Variants in KTN1 observed in about 807,000 individuals in gnomAD.
The protein encoded by KTN1 is kinectin.
KTN1 carries 130 observed loss-of-function variants against 222.5 expected under a neutral mutation model. The observed-to-expected ratio is 0.58, with a 90% CI of 0.51 to 0.68. KTN1 has a LOEUF of 0.68. Ranked by LOEUF, KTN1 falls within the 30% of genes least tolerant of loss-of-function variation. KTN1 has a pLI of 0.00. For synonymous variants in KTN1, 512 were observed against 496.3 expected (o/e 1.03, Z -0.42); for missense variants, 1,508 against 1,500.4 (o/e 1.01, Z -0.08).
At chr14:55,626,577 CTGTTTTGTTT>C (rs373375979) in intron 5 of KTN1, among the ~76,000 whole-genome samples, 40 of 151,888 alleles carry the variant, frequency 2.6e-4, no homozygotes, top group East Asian at 7.7e-4. Flanking sequence ...TGTATAGATC[CTGTTTTGTTT>C]TGTTTTGTTT....
At chr14:55,660,389 G>GTTTTTTT (rs34898734) in intron 31 of KTN1, among the ~76,000 whole-genome samples, 1 of 121,758 alleles carries the variant, frequency 8.2e-6, no homozygotes, top group Non-Finnish European at 1.7e-5. Context: ...TTCTTAAGGA[G>GTTTTTTT]TTTTTTTTTT....
At position 55,611,893 on chromosome 14, in the gene KTN1, C is replaced by T. The variant is rs190833399; in HGVS notation, c.-30-126C>T. The stretch of plus-strand genomic sequence containing the variant: ...CAAGAATGTGATTTAAAGAACTAAC[C>T]TGTTTAGATTTGTAGGTCAGGTTAG... On this transcript the variant is annotated intron_variant, in intron 1 of 43. Transcript: ENST00000395314. 7.3e-6 allele frequency: 3 copies of T among 409,166 alleles called. No individual in the cohort carries two copies. In the East Asian group the frequency reaches 1.1e-4, roughly 15 times the overall value. 25.3% of individuals were successfully genotyped at this position (409,166 alleles called of 1,614,324 possible).
At chr14:55,624,573 AT>A (rs1410871356) in intron 5 of KTN1, among the ~76,000 whole-genome samples, 1 of 152,186 alleles carries the variant, frequency 6.6e-6, no homozygotes, top group African/African-American at 2.4e-5. Context: ...AAAGGCTACA[AT>A]GGGAGTGATT....
intron 28 of KTN1, among the ~76,000 whole-genome samples, chr14:55,654,173 G>A (rs1189098392): frequency 2.0e-5 from 3 of 152,098 alleles, no homozygotes; most frequent in Non-Finnish European, 4.4e-5. Context: ...GGTACAGCAG[G>A]TTACAATGGT....
intron 37 of KTN1, 169 bp from the exon 38 acceptor site, chr14:55,672,461 A>G: frequency 1.9e-6 from 1 of 527,704 alleles, no homozygotes; most frequent in Non-Finnish European, 3.4e-6. Flanking sequence ...CCACAATTTA[A>G]ATCAAGTTCA....
rs145311402 is a variant in KTN1, at chr14:55,640,159, C to G, written c.1914+156C>G. Among the ~76,000 whole-genome samples, 449 of 151,866 alleles carry G rather than the reference C, an allele frequency of 3.0e-3. 1 individual carries two copies. Among genetic ancestry groups the G allele is most frequent in the Middle Eastern group, 0.02 (6 of 294 alleles). On this transcript the variant is annotated intron_variant, in intron 14 of 43. Coordinates refer to ENST00000395314, the MANE Select transcript of KTN1 (RefSeq NM_001079521.2). ...CTAAACTACAAAATTCTCTAGCTCT[C>G]TACGAGGAAAAATTCAAAGGGCTTC...
intron 29 of KTN1, among the ~76,000 whole-genome samples, chr14:55,657,140 A>G (rs1436781853): frequency 6.6e-6 from 1 of 152,162 alleles, no homozygotes; most frequent in Non-Finnish European, 1.5e-5. Flanking sequence ...GTTCATTTTA[A>G]ATTTTGTTAG....
Position 55,672,714 on chromosome 14 carries a change from A to T in KTN1, c.3603+13A>T. On this transcript the variant is annotated intron_variant, in intron 38 of 43. Coordinates refer to ENST00000395314, the MANE Select transcript of KTN1 (RefSeq NM_001079521.2). The stretch of plus-strand genomic sequence containing the variant: ...GGATATTGAAAATGTATGTTATTTG[A>T]TTGTTTTACTTGTAACCTATGGATT... 6.6e-7 allele frequency: 1 copy of T among 1,523,228 alleles called. No homozygotes were observed. Among genetic ancestry groups the T allele is most frequent in the South Asian group, 1.1e-5 (1 of 88,694 alleles). 94.4% of individuals were successfully genotyped at this position (1,523,228 alleles called of 1,614,324 possible).
chr14:55,596,694 T>G (rs937320065), intron 1 of KTN1, among the ~76,000 whole-genome samples: 11 of 152,236 alleles, frequency 7.2e-5, no homozygotes, highest in Non-Finnish European at 1.3e-4. Context: ...TCACAAGGAC[T>G]ACTTTTTCTT....
At chr14:55,679,476 A>T in intron 42 of KTN1, 89 bp from the exon 43 acceptor site, 2 of 1,057,584 alleles carry the variant, frequency 1.9e-6, no homozygotes, top group Admixed American at 2.5e-5. Context: ...GTTTGTGTTT[A>T]AATCAGCAAT....
At chr14:55,654,390 A>G (rs1476672477) in intron 28 of KTN1, among the ~76,000 whole-genome samples, 1 of 152,078 alleles carries the variant, frequency 6.6e-6, no homozygotes, top group Non-Finnish European at 1.5e-5. Flanking sequence ...CATTTGTACA[A>G]TTATTGTTTG....
chr14:55,602,431 T>C (rs990088566), intron 1 of KTN1, among the ~76,000 whole-genome samples: 1 of 152,202 alleles, frequency 6.6e-6, no homozygotes, highest in Non-Finnish European at 1.5e-5. Flanking sequence ...GCAGTGAGAT[T>C]ATAAATTCAT....
chr14:55,652,890 G>A lies in KTN1; in HGVS notation c.2644G>A (p.Val882Ile), dbSNP rs765705418. The A allele has an allele frequency of 3.1e-6, 5 of 1,610,938 alleles. No homozygotes were observed. In the South Asian group the frequency reaches 3.3e-5, roughly 11 times the overall value. ...GGAACAGATGAATACCATGAAGGCT[G>A]TTTTGGAAGAGAAAGAGAAAGACCT... is the stretch of plus-strand genomic sequence containing the variant. ...KEEQMNTMKA[V>I]LEEKEKDLAN... is the part of the protein sequence containing the mutation. The change falls in exon 26 of 44, where the codon GTT becomes ATT. Residue 882 changes from valine (V) to isoleucine (I), a missense_variant. Coordinates refer to ENST00000395314, the MANE Select transcript of KTN1 (RefSeq NM_001079521.2).
At chr14:55,598,644 T>G (rs1431467480) in intron 1 of KTN1, among the ~76,000 whole-genome samples, 1 of 152,184 alleles carries the variant, frequency 6.6e-6, no homozygotes, top group East Asian at 1.9e-4. Flanking sequence ...AATATTCCAG[T>G]GTTCAGCAGG....
At chr14:55,588,854 A>G (rs781536818) in intron 1 of KTN1, among the ~76,000 whole-genome samples, 77 of 152,176 alleles carry the variant, frequency 5.1e-4, no homozygotes, top group Non-Finnish European at 1.0e-3. Context: ...ACTGGGATCT[A>G]CATATATTTT....
intron 17 of KTN1, among the ~76,000 whole-genome samples, chr14:55,641,444 A>G (rs2041795331): frequency 6.6e-6 from 1 of 151,964 alleles, no homozygotes; most frequent in Admixed American, 6.6e-5. Flanking sequence ...CTCAGCTGAT[A>G]GTTTCTATTT....
At position 55,667,222 on chromosome 14, in the gene KTN1, G is replaced by T; in HGVS notation, c.3178-19G>T. The T allele has an allele frequency of 7.0e-7, 1 of 1,430,592 alleles. No homozygotes were observed. Among genetic ancestry groups the T allele is most frequent in the Non-Finnish European group, 9.7e-7 (1 of 1,031,324 alleles). 88.6% of individuals were successfully genotyped at this position (1,430,592 alleles called of 1,614,324 possible). A position where few individuals can be genotyped will look rare whatever the true frequency, so the allele number is the denominator to read the frequency against. ...TTCTGTGATCTTGTAAGTTTGATTT[G>T]GCTCATCTTCTGCTTTAGGAAAGGC... On this transcript the variant is annotated intron_variant, in intron 33 of 43. Coordinates refer to ENST00000395314, the MANE Select transcript of KTN1 (RefSeq NM_001079521.2).
At position 55,591,577 on chromosome 14, in the gene KTN1, CTT is replaced by C. The variant is rs1225011409; in HGVS notation, c.-31+11225_-31+11226del. Among the ~76,000 whole-genome samples, 7 of 133,314 alleles carry C rather than the reference CTT, an allele frequency of 5.3e-5. No homozygotes were observed. The South Asian group carries it at 1.3e-3, about 24-fold the overall frequency. 87.5% of individuals were successfully genotyped at this position (133,314 alleles called of 152,430 possible). A position where few individuals can be genotyped will look rare whatever the true frequency, so the allele number is the denominator to read the frequency against. ...ATGTCTTGCATTTCTTTCTTTCTCT[CTT>C]TCTTTTTTTTTTTTTTTTTTTTTTT... On this transcript the variant is annotated intron_variant, in intron 1 of 43. Coordinates refer to ENST00000395314, the MANE Select transcript of KTN1 (RefSeq NM_001079521.2).
intron 13 of KTN1, among the ~76,000 whole-genome samples, 153 bp from the exon 14 acceptor site, chr14:55,639,760 G>C (rs937617928): frequency 1.3e-5 from 2 of 151,818 alleles, no homozygotes; most frequent in African/African-American, 4.8e-5. Context: ...ATAGTAATGT[G>C]TGTGACAGTT....
Sources: allele counts gnomAD v4.1 joint callset (sites outside exome capture counted in the v4.1 genomes callset), GRCh38; gene constraint gnomAD v4.1.1; transcripts MANE v1.5; gene names NCBI Gene and HGNC (gene_info 2026-07-23, HGNC 2026-07-21).